Variants in NLGN1 observed in about 807,000 individuals in gnomAD.
NLGN1 encodes neuroligin 1.
Under a neutral mutation model 65.5 loss-of-function variants are expected in NLGN1, and 12 were observed. The observed-to-expected ratio is 0.18, with a 90% CI of 0.12 to 0.30. The LOEUF is 0.30. Among genes scored for constraint, NLGN1 ranks in the 10% least tolerant of loss-of-function variants. The probability of loss-of-function intolerance (pLI) is 1.00; values close to 1 mark genes in which losing one functional copy is unlikely to be tolerated. For synonymous variants in NLGN1, 350 were observed against 359.5 expected, an observed-to-expected ratio of 0.97 and a Z score of 0.30; for missense variants, 750 against 1,007.1, an observed-to-expected ratio of 0.74 and a Z score of 3.46.
chr3:173,701,152 T>TAAAGTTGAATTGGTTGAA (rs1359843877), intron 3 of NLGN1, among the ~76,000 whole-genome samples: 3 of 151,962 alleles, frequency 2.0e-5, no homozygotes, highest in African/African-American at 7.2e-5. Flanking sequence ...CGGAAAATGC[T>TAAAGTTGAATTGGTTGAA]GTTGAAGTTG....
chr3:173,512,403 G>A (rs1438994503), intron 2 of NLGN1, among the ~76,000 whole-genome samples: 2 of 152,076 alleles, frequency 1.3e-5, no homozygotes, highest in Admixed American at 1.3e-4. Context: ...GGACAGGAAG[G>A]GAAGTTACTC....
chr3:173,748,651 C>T (rs1775883023), intron 3 of NLGN1, among the ~76,000 whole-genome samples: 1 of 152,116 alleles, frequency 6.6e-6, no homozygotes, highest in African/African-American at 2.4e-5. Context: ...AAAGGTTTCT[C>T]CATAACATCA....
At chr3:174,291,815 T>C in the NLGN1 span, among the ~76,000 whole-genome samples, 1 of 151,126 alleles carries the variant, frequency 6.6e-6, no homozygotes, top group Non-Finnish European at 1.5e-5. Flanking sequence ...GGGCACTAAA[T>C]ACCAGAGAGC....
At chr3:173,613,507 A>G (rs897201711) in intron 3 of NLGN1, among the ~76,000 whole-genome samples, 1 of 152,142 alleles carries the variant, frequency 6.6e-6, no homozygotes, top group African/African-American at 2.4e-5. Flanking sequence ...TGTCAACAAA[A>G]TGATTCAGTT....
At chr3:174,215,030 T>G (rs1737346924) in intron 4 of NLGN1, among the ~76,000 whole-genome samples, 2 of 152,086 alleles carry the variant, frequency 1.3e-5, no homozygotes, top group Non-Finnish European at 2.9e-5. Context: ...ATTTAATTAT[T>G]TAAATAATTA....
chr3:173,415,919 GGAGAGA>G (rs1167795390), intron 1 of NLGN1, among the ~76,000 whole-genome samples: 14 of 125,246 alleles, frequency 1.1e-4, no homozygotes, highest in Middle Eastern at 4.5e-3. Context: ...AGAGAGAGAG[GGAGAGA>G]GAGAGAGAGA....
intron 3 of NLGN1, among the ~76,000 whole-genome samples, chr3:173,665,929 C>T (rs1042072488): frequency 3.5e-4 from 54 of 152,130 alleles, no homozygotes; most frequent in African/African-American, 1.3e-3. Context: ...TAACTTAGTG[C>T]TTCCAAAATG....
intron 4 of NLGN1, among the ~76,000 whole-genome samples, chr3:174,144,109 C>A (rs958788853): frequency 1.3e-5 from 2 of 152,108 alleles, no homozygotes; most frequent in African/African-American, 4.8e-5. Context: ...TGTTCCCCTC[C>A]CTGTGTCCAT....
At chr3:173,646,655 A>G (rs1468812293) in intron 3 of NLGN1, among the ~76,000 whole-genome samples, 1 of 152,204 alleles carries the variant, frequency 6.6e-6, no homozygotes, top group African/African-American at 2.4e-5. Flanking sequence ...TGTCCACTAT[A>G]AACCCTAAAT....
rs73046462 is a variant in NLGN1, at chr3:173,634,580, G to A, written c.493+29489G>A. Among the ~76,000 whole-genome samples the A allele has an allele frequency of 6.7e-3, 1,017 of 152,108 alleles. 19 individuals carry two copies. Among genetic ancestry groups the A allele is most frequent in the African/African-American group, 0.023 (973 of 41,512 alleles). On this transcript the variant is annotated intron_variant, in intron 3 of 6. Transcript: ENST00000457714. Reference sequence around the variant, plus strand: ...AATGCATATCTTTTTTGACTAATTTGTAATATATATGTGGTAGGAGGAAAG... The same window carrying A: ...AATGCATATCTTTTTTGACTAATTTATAATATATATGTGGTAGGAGGAAAG...
intron 2 of NLGN1, among the ~76,000 whole-genome samples, chr3:173,526,577 C>T (rs747444140): frequency 6.6e-6 from 1 of 152,098 alleles, no homozygotes; most frequent in South Asian, 2.1e-4. Context: ...TCTATTGCTT[C>T]AAGCATTTAT....
intron 4 of NLGN1, among the ~76,000 whole-genome samples, chr3:174,149,798 T>C (rs1723995190): frequency 6.6e-6 from 1 of 152,098 alleles, no homozygotes; most frequent in Non-Finnish European, 1.5e-5. Flanking sequence ...AAAACCTGGA[T>C]AAGCACATCA....
chr3:173,934,602 G>C (rs1192499230), intron 4 of NLGN1, among the ~76,000 whole-genome samples: 1 of 151,956 alleles, frequency 6.6e-6, no homozygotes, highest in Non-Finnish European at 1.5e-5. Flanking sequence ...CAAGACAGAG[G>C]TCACATTTCA....
At position 173,680,180 on chromosome 3, in the gene NLGN1, G is replaced by A. The variant is rs185643571; in HGVS notation, c.493+75089G>A. ...AGTTTATTTTGTTTTGTTTCTTAGC[G>A]GGGTAGTGGTATGGATAGTGGAAGG... On this transcript the variant is annotated intron_variant, in intron 3 of 6. Coordinates refer to ENST00000457714, the Ensembl canonical transcript of NLGN1. 6.6e-5 allele frequency among the ~76,000 whole-genome samples: 10 copies of A among 152,160 alleles called. No homozygotes were observed. The East Asian group carries it at 1.5e-3, about 24-fold the overall frequency.
intron 4 of NLGN1, among the ~76,000 whole-genome samples, chr3:174,037,775 A>G (rs1002306202): frequency 5.3e-5 from 8 of 152,154 alleles, no homozygotes; most frequent in African/African-American, 1.9e-4. Context: ...AAACACATGG[A>G]AAGAGAAATT....
chr3:173,917,663 C>T (rs1243940634), intron 4 of NLGN1, among the ~76,000 whole-genome samples: 3 of 152,156 alleles, frequency 2.0e-5, no homozygotes, highest in Non-Finnish European at 4.4e-5. Flanking sequence ...ATATCAATTA[C>T]TCCCTAGTCA....
intron 4 of NLGN1, among the ~76,000 whole-genome samples, chr3:174,259,751 G>A (rs932154163): frequency 2.0e-5 from 3 of 150,832 alleles, no homozygotes; most frequent in Non-Finnish European, 2.9e-5. Context: ...AGTTACATAT[G>A]TATACATGTG....
At chr3:174,147,513 A>G (rs186727748) in intron 4 of NLGN1, among the ~76,000 whole-genome samples, 15 of 132,906 alleles carry the variant, frequency 1.1e-4, no homozygotes, top group Admixed American at 1.1e-3. Flanking sequence ...GGCTCACTGC[A>G]ACCTCCACTT....
downstream of NLGN1, among the ~76,000 whole-genome samples, chr3:174,290,329 A>G (rs183128041): frequency 2.1e-3 from 324 of 151,116 alleles, 3 homozygotes; most frequent in African/African-American, 7.5e-3. Context: ...TCTATGAAGA[A>G]AGGGGAACAT....
Sources: gnomAD v4.1 joint callset for allele counts (sites outside exome capture counted in the v4.1 genomes callset) on GRCh38, gnomAD v4.1.1 for gene constraint, MANE v1.5 for transcripts, NCBI Gene and HGNC (gene_info 2026-07-23, HGNC 2026-07-21) for gene names.